MLLT3: variants seen among roughly 807,000 people sequenced by gnomAD.
MLLT3 encodes protein AF-9.
Under a neutral mutation model 53.2 loss-of-function variants are expected in MLLT3, and 4 were observed. The ratio of observed to expected loss-of-function variants is 0.08; its 90% CI spans 0.04 to 0.17. The LOEUF (loss-of-function observed/expected upper bound fraction) is 0.17. Ranked by LOEUF, MLLT3 falls within the 10% of genes least tolerant of loss-of-function variation. The pLI is 1.00. For synonymous variants in MLLT3, 283 were observed against 230.6 expected (o/e 1.23, Z -2.06); for missense variants, 569 against 684.0 (o/e 0.83, Z 1.87).
At chr9:20,463,200 C>A (rs1824154076) in intron 2 of MLLT3, among the ~76,000 whole-genome samples, 1 of 151,496 alleles carries the variant, frequency 6.6e-6, no homozygotes, top group Non-Finnish European at 1.5e-5. Context: ...AATGATGATA[C>A]ATAAAAATTA....
intron 5 of MLLT3, among the ~76,000 whole-genome samples, chr9:20,396,557 T>C (rs1026022615): frequency 6.6e-6 from 1 of 152,090 alleles, no homozygotes; most frequent in Non-Finnish European, 1.5e-5. Context: ...TAAAACACAG[T>C]TTGTGTTCCT....
chr9:20,390,164 A>G (rs919255853), intron 5 of MLLT3, among the ~76,000 whole-genome samples: 9 of 152,232 alleles, frequency 5.9e-5, no homozygotes, highest in Admixed American at 1.3e-4. Context: ...TAGATTTGAT[A>G]GTGTTACATT....
intron 4 of MLLT3, among the ~76,000 whole-genome samples, chr9:20,416,555 A>C (rs1374038314): frequency 6.6e-6 from 1 of 152,102 alleles, no homozygotes; most frequent in Non-Finnish European, 1.5e-5. Flanking sequence ...TTGTGTCATA[A>C]AAAAGTTAAG....
intron 2 of MLLT3, among the ~76,000 whole-genome samples, chr9:20,463,556 C>T (rs1307259755): frequency 6.6e-6 from 1 of 152,136 alleles, no homozygotes; most frequent in Non-Finnish European, 1.5e-5. Context: ...AGGCTTACAT[C>T]TTTCACTAAA....
At chr9:20,598,332 T>C (rs1375652455) in intron 2 of MLLT3, among the ~76,000 whole-genome samples, 1 of 152,220 alleles carries the variant, frequency 6.6e-6, no homozygotes, top group Admixed American at 6.5e-5. Context: ...CTTATTTAAA[T>C]TACACTGAAA....
intron 2 of MLLT3, among the ~76,000 whole-genome samples, chr9:20,464,183 A>G (rs907692099): frequency 6.8e-6 from 1 of 146,392 alleles, no homozygotes; most frequent in African/African-American, 2.5e-5. Flanking sequence ...TTTTATTTAG[A>G]AAAAAAAAAA....
intron 6 of MLLT3, among the ~76,000 whole-genome samples, chr9:20,365,282 A>G (rs184020274): frequency 5.3e-4 from 81 of 152,358 alleles, no homozygotes; most frequent in Admixed American, 1.6e-3. Flanking sequence ...TATGATTCGA[A>G]TAATAAAACA....
At chr9:20,602,492 A>C (rs1362219499) in intron 2 of MLLT3, among the ~76,000 whole-genome samples, 1 of 152,168 alleles carries the variant, frequency 6.6e-6, no homozygotes, top group Non-Finnish European at 1.5e-5. Flanking sequence ...ATGGCTTATA[A>C]AAAAATCTAC....
At chr9:20,536,062 T>C (rs1818475448) in intron 2 of MLLT3, among the ~76,000 whole-genome samples, 1 of 152,112 alleles carries the variant, frequency 6.6e-6, no homozygotes, top group Non-Finnish European at 1.5e-5. Flanking sequence ...TTTTTCTTAA[T>C]GTAGTCAAGC....
intron 4 of MLLT3, among the ~76,000 whole-genome samples, chr9:20,427,365 T>C (rs1403070737): frequency 6.7e-6 from 1 of 148,988 alleles, no homozygotes; most frequent in Admixed American, 6.7e-5. Flanking sequence ...AACAGCGGAC[T>C]GAACACAGCT....
chr9:20,404,556 G>A (rs993555112), intron 5 of MLLT3, among the ~76,000 whole-genome samples: 1 of 152,170 alleles, frequency 6.6e-6, no homozygotes, highest in African/African-American at 2.4e-5. Flanking sequence ...TTATGCTGGA[G>A]TGCAGTGATG....
intron 3 of MLLT3, among the ~76,000 whole-genome samples, chr9:20,451,905 G>GGTT (rs1227469917): frequency 6.6e-6 from 1 of 152,032 alleles, no homozygotes; most frequent in Non-Finnish European, 1.5e-5. Flanking sequence ...TCACAAATAG[G>GGTT]GTTGTTTTGT....
At chr9:20,498,460 T>C (rs1825137318) in intron 2 of MLLT3, among the ~76,000 whole-genome samples, 2 of 152,142 alleles carry the variant, frequency 1.3e-5, no homozygotes, top group Admixed American at 1.3e-4. Flanking sequence ...TATTCAAATC[T>C]TTTGCCCATT....
intron 7 of MLLT3, chr9:20,362,701 G>C (rs910659034): frequency 7.6e-6 from 1 of 132,416 alleles, no homozygotes; most frequent in Non-Finnish European, 1.5e-5. Flanking sequence ...TTTGGGTTAA[G>C]ACCGCTTTTT....
intron 2 of MLLT3, among the ~76,000 whole-genome samples, chr9:20,468,473 C>T (rs1035664048): frequency 2.0e-5 from 3 of 151,976 alleles, no homozygotes; most frequent in Admixed American, 6.6e-5. Flanking sequence ...CAAGTGAGCA[C>T]ATATTGTGAA....
At chr9:20,445,273 T>A (rs1022634463) in intron 4 of MLLT3, among the ~76,000 whole-genome samples, 1 of 152,154 alleles carries the variant, frequency 6.6e-6, no homozygotes. Flanking sequence ...CCACAATACT[T>A]CTTCTTTTAT....
intron 2 of MLLT3, among the ~76,000 whole-genome samples, chr9:20,607,949 C>G (rs1031917309): frequency 2.0e-5 from 3 of 151,736 alleles, no homozygotes; most frequent in African/African-American, 7.3e-5. Context: ...TTGTAAAAAC[C>G]TCTAGTTATT....
Position 20,345,713 on chromosome 9 carries a change from A to C in MLLT3, c.*730T>G, listed in dbSNP as rs1477563544. 1 of 218,552 alleles carries C rather than the reference A, an allele frequency of 4.6e-6. No individual in the cohort carries two copies. Among genetic ancestry groups the C allele is most frequent in the Non-Finnish European group, 9.2e-6 (1 of 108,572 alleles). The allele number at this position is 218,552 out of a possible 1,614,324, so 13.5% of individuals were successfully genotyped here. A position where few individuals can be genotyped will look rare whatever the true frequency, so the allele number is the denominator to read the frequency against. ...TTTGGTGCATTTTCTACCATGGTCC[A>C]AGATCATTACATGGATACAGCCAAG... On this transcript the variant is annotated 3_prime_UTR_variant, in exon 11 of 11. Transcript: ENST00000380338.
At chr9:20,456,159 G>A (rs1485295980) in intron 3 of MLLT3, among the ~76,000 whole-genome samples, 1 of 151,848 alleles carries the variant, frequency 6.6e-6, no homozygotes, top group African/African-American at 2.4e-5. Context: ...GGCTGGTCTC[G>A]AACTCCTGAC....
Sources: gnomAD v4.1 joint callset for allele counts (sites outside exome capture counted in the v4.1 genomes callset) on GRCh38, gnomAD v4.1.1 for gene constraint, MANE v1.5 for transcripts, NCBI Gene and HGNC (gene_info 2026-07-23, HGNC 2026-07-21) for gene names.